TASL: variants seen among roughly 807,000 people sequenced by gnomAD.
TASL encodes TLR adapter interacting with SLC15A4 on the lysosome.
Under a neutral mutation model 12.9 loss-of-function variants are expected in TASL, and 6 were observed. The ratio of observed to expected loss-of-function variants is 0.46; its 90% CI spans 0.25 to 0.92. The LOEUF is 0.92. TASL is among the 40% of genes least tolerant of loss of function. The pLI is 0.17. For synonymous variants in TASL, 85 were observed against 79.3 expected (o/e 1.07, Z -0.38); for missense variants, 165 against 212.8 (o/e 0.78, Z 1.40).
At chrX:30,567,278 G>GAAAAAAAAAA (rs5901953) in intron 2 of TASL, among the ~76,000 whole-genome samples, 1 of 85,243 alleles carries the variant, frequency 1.2e-5, no homozygotes. Context: ...CATGTCTCAA[G>GAAAAAAAAAA]AAAAAAAAAA....
intron 2 of TASL, among the ~76,000 whole-genome samples, chrX:30,564,997 A>G (rs1200603028): frequency 1.8e-5 from 2 of 111,842 alleles, no homozygotes; most frequent in African/African-American, 3.2e-5. Context: ...TCACACTTCT[A>G]GTATTCAGGA....
chrX:30,562,968 C>A (rs1237217460), intron 2 of TASL, among the ~76,000 whole-genome samples: 4 of 107,825 alleles, frequency 3.7e-5, no homozygotes, highest in African/African-American at 1.4e-4. Flanking sequence ...GAGAAGAGAC[C>A]AGTACAACAA....
intron 2 of TASL, among the ~76,000 whole-genome samples, chrX:30,563,262 TC>T (rs1456142613): frequency 8.9e-6 from 1 of 111,937 alleles, no homozygotes; most frequent in Non-Finnish European, 1.9e-5. Context: ...TCATTCTCTC[TC>T]CTGCCACCCT....
At chrX:30,571,298 G>GAAAGAAAGAAAGAAAGAAAGAA (rs1930615668) in intron 2 of TASL, among the ~76,000 whole-genome samples, 1 of 85,037 alleles carries the variant, frequency 1.2e-5, no homozygotes, top group African/African-American at 4.3e-5. Context: ...AAGAAAGAAA[G>GAAAGAAAGAAAGAAAGAAAGAA]AAAGAAAGAA....
chrX:30,562,036 C>G (rs1423429964), intron 2 of TASL, among the ~76,000 whole-genome samples: 1 of 111,650 alleles, frequency 9.0e-6, no homozygotes, highest in Non-Finnish European at 1.9e-5. Context: ...AACACCCTAC[C>G]CCCACCTAGG....
intron 2 of TASL, among the ~76,000 whole-genome samples, chrX:30,565,792 A>G (rs138891146): frequency 0.012 from 1,370 of 110,804 alleles, 23 homozygotes; most frequent in African/African-American, 0.043. Flanking sequence ...TTGTTTTTTG[A>G]GACAGTCTCA....
chrX:30,571,342 G>A, intron 2 of TASL, among the ~76,000 whole-genome samples: 1 of 109,439 alleles, frequency 9.1e-6, no homozygotes, highest in Admixed American at 9.6e-5. Flanking sequence ...CATTTGGCCA[G>A]GCGTGGTGGC....
chrX:30,566,749 C>A (rs918796321), intron 2 of TASL, among the ~76,000 whole-genome samples: 2 of 111,852 alleles, frequency 1.8e-5, no homozygotes, highest in African/African-American at 6.5e-5. Context: ...ATTGTGCATT[C>A]TTTTAGGTCA....
intron 2 of TASL, among the ~76,000 whole-genome samples, chrX:30,561,215 G>C (rs943533096): frequency 1.8e-5 from 2 of 111,716 alleles, no homozygotes; most frequent in African/African-American, 6.5e-5. Context: ...TTGTATCCCA[G>C]AATAAATTTC....
chrX:30,569,235 A>G (rs185747425), intron 2 of TASL, among the ~76,000 whole-genome samples: 2 of 111,272 alleles, frequency 1.8e-5, no homozygotes, highest in African/African-American at 6.5e-5. Context: ...GATGACTGGG[A>G]CAGGAACCAG....
At chrX:30,563,438 G>C (rs1930456806) in intron 2 of TASL, among the ~76,000 whole-genome samples, 1 of 112,474 alleles carries the variant, frequency 8.9e-6, no homozygotes, top group African/African-American at 3.2e-5. Context: ...GAGCCAATCT[G>C]ACTTAAATTC....
intron 2 of TASL, among the ~76,000 whole-genome samples, chrX:30,563,385 T>C (rs1382733751): frequency 8.9e-6 from 1 of 112,220 alleles, no homozygotes; most frequent in African/African-American, 3.2e-5. Context: ...GGCAGTTCTT[T>C]ATAGCAGCAT....
intron 2 of TASL, among the ~76,000 whole-genome samples, chrX:30,570,246 A>ACC (rs1930572989): frequency 9.2e-6 from 1 of 109,289 alleles, no homozygotes; most frequent in Non-Finnish European, 1.9e-5. Context: ...TCACACACAC[A>ACC]CACACACACA....
intron 2 of TASL, among the ~76,000 whole-genome samples, chrX:30,570,913 G>C (rs1176397094): frequency 9.0e-6 from 1 of 111,091 alleles, no homozygotes; most frequent in South Asian, 3.8e-4. Context: ...GGGTGCAGTG[G>C]TTCACACCTA....
intron 2 of TASL, among the ~76,000 whole-genome samples, chrX:30,571,258 G>GAGAAAGAAAGAAAGAAAGAAAGAAAGAA (rs1569306040): frequency 0.13 from 1,587 of 11,758 alleles, 204 homozygotes; most frequent in East Asian, 0.24. Flanking sequence ...GAAAGAAAGA[G>GAGAAAGAAAGAAAGAAAGAAAGAAAGAA]AAAGAAAGAA....
At chrX:30,564,840 G>C (rs1013156208) in intron 2 of TASL, among the ~76,000 whole-genome samples, 1 of 111,623 alleles carries the variant, frequency 9.0e-6, no homozygotes, top group African/African-American at 3.3e-5. Flanking sequence ...CCTTAAACTC[G>C]GATAGCCTGA....
At chrX:30,571,886 T>G (rs1007119995) in intron 2 of TASL, among the ~76,000 whole-genome samples, 1 of 111,219 alleles carries the variant, frequency 9.0e-6, no homozygotes, top group Non-Finnish European at 1.9e-5. Context: ...AGACTTGATT[T>G]CATCTGAGAC....
At chrX:30,571,286 G>GAAAGAAAGAAAGAA (rs1930612213) in intron 2 of TASL, among the ~76,000 whole-genome samples, 6 of 64,901 alleles carry the variant, frequency 9.2e-5, no homozygotes, top group African/African-American at 3.5e-4. Context: ...AAGAAAGAAA[G>GAAAGAAAGAAAGAA]AAAGAAAGAA....
Position 30,559,746 on chromosome X carries a change from G to A in TASL, c.610C>T (p.Pro204Ser). Residue 204 changes from proline (P) to serine (S), a missense_variant, in exon 3 of 3, where the codon CCT becomes TCT. By Grantham distance (74) the Pro-to-Ser change is moderately conservative. Coordinates refer to ENST00000378962, the MANE Select transcript of TASL (RefSeq NM_025159.3). ...TCATTCAGAACTGCATTAGAAATAG[G>A]ATTCTGCATTTGCAAGCTGCTTTTC... ...KEKSSLQMQN[P>S]ISNAVLNEYL... 2 of 1,211,205 alleles carry A rather than the reference G, an allele frequency of 1.7e-6. No individual in the cohort carries two copies. The highest frequency in any genetic ancestry group is 2.2e-6 in the Non-Finnish European group (2 of 894,997).
Sources: gnomAD v4.1 joint callset for allele counts (sites outside exome capture counted in the v4.1 genomes callset) on GRCh38, gnomAD v4.1.1 for gene constraint, MANE v1.5 for transcripts, NCBI Gene and HGNC (gene_info 2026-07-23, HGNC 2026-07-21) for gene names.